LPA: variants seen among roughly 807,000 people sequenced by gnomAD.
LPA encodes the protein lipoprotein(a).
In LPA, 199 loss-of-function variants were observed where a neutral mutation model predicts 197.9. The ratio of observed to expected loss-of-function variants is 1.01; its 90% CI spans 0.90 to 1.13. The LOEUF (loss-of-function observed/expected upper bound fraction) is 1.13. Ranked by LOEUF, LPA falls within the 50% of genes most tolerant of loss-of-function variation. The probability of loss-of-function intolerance (pLI) is 0.00; values close to 1 mark genes in which losing one functional copy is unlikely to be tolerated. For synonymous variants in LPA, 715 were observed against 639.5 expected (o/e 1.12, Z -1.78); for missense variants, 1,853 against 1,785.8 (o/e 1.04, Z -0.68).
chr6:160,532,622 T>G lies in LPA; in HGVS notation c.5870A>C (p.Glu1957Ala), dbSNP rs114441771. Reference sequence around the variant, plus strand: ...ATTCTCAATAACAAGGAGCTGGGCTTCCTTGAGAAGGCCAGTCCCAAAGGT... The same window carrying G: ...ATTCTCAATAACAAGGAGCTGGGCTGCCTTGAGAAGGCCAGTCCCAAAGGT... ...QGTFGTGLLK[E>A]AQLLVIENEV... The change falls in exon 38 of 39, where the codon GAA becomes GCA. Residue 1957 changes from glutamate to alanine, a missense_variant. By Grantham distance (107) the Glu-to-Ala change is moderately radical. Transcript: ENST00000316300. The G allele has an allele frequency of 2.5e-4, 407 of 1,612,150 alleles. No homozygotes were observed. The African/African-American group carries it at 4.9e-3, about 20-fold the overall frequency.
Position 160,647,172 on chromosome 6 carries a change from A to T in LPA, c.210-777T>A, listed in dbSNP as rs150425701. ...ACAGCCACTCCAGAACTGGGGGATG[A>T]GTTGAAAGAACAGTGGGTCCCATGG... is the stretch of plus-strand genomic sequence containing the variant. On this transcript the variant is annotated intron_variant, in intron 2 of 38. Transcript: ENST00000316300. 4.2e-3 allele frequency among the ~76,000 whole-genome samples: 643 copies of T among 152,270 alleles called. 8 individuals carry two copies. The highest frequency in any genetic ancestry group is 7.0e-3 in the Non-Finnish European group (473 of 68,026).
chr6:160,586,646 C>A lies in LPA; in HGVS notation c.3948-16G>T. On this transcript the variant is annotated splice_polypyrimidine_tract_variant and intron_variant, in intron 24 of 38. Coordinates refer to ENST00000316300, the MANE Select transcript of LPA (RefSeq NM_005577.4). ...GGTCAGGCCACTGCAAATTCCAAAA[C>A]AATACAGGTCACCAGAGATTGGAGA... 6.2e-7 allele frequency: 1 copy of A among 1,613,452 alleles called. No individual in the cohort carries two copies. The highest frequency in any genetic ancestry group is 8.5e-7 in the Non-Finnish European group (1 of 1,179,738).
chr6:160,531,935 A>T (rs1190280167), intron 38 of LPA, 45 bp from the exon 39 acceptor site: 1 of 1,601,374 alleles, frequency 6.2e-7, no homozygotes, highest in Non-Finnish European at 8.6e-7. Context: ...TAAGCTGCCA[A>T]CCTTTTAATA....
At chr6:160,572,311 T>A (rs1778577765) in intron 28 of LPA, among the ~76,000 whole-genome samples, 1 of 151,988 alleles carries the variant, frequency 6.6e-6, no homozygotes, top group South Asian at 2.1e-4. Context: ...ACTGGAGCTG[T>A]TCCTATTCAG....
chr6:160,603,781 G>T (rs1779290093), intron 18 of LPA, among the ~76,000 whole-genome samples: 1 of 152,208 alleles, frequency 6.6e-6, no homozygotes. Flanking sequence ...ACTTGGAAAT[G>T]ATTTTAATGC....
At chr6:160,595,281 A>G (rs771173563) in intron 21 of LPA, 73 bp downstream of exon 21, 101 of 1,568,090 alleles carry the variant, frequency 6.4e-5, no homozygotes, top group African/African-American at 1.1e-4. Context: ...GAAGGCTTCT[A>G]TATCACTAAG....
intron 23 of LPA, 134 bp from the exon 24 acceptor site, chr6:160,589,846 T>C (rs1425476706): frequency 2.1e-6 from 2 of 967,642 alleles, no homozygotes; most frequent in Non-Finnish European, 3.3e-6. Flanking sequence ...AGTAGGCAGA[T>C]GGACATGCCA....
At chr6:160,610,487 A>C (rs564924700) in intron 16 of LPA, among the ~76,000 whole-genome samples, 2 of 152,170 alleles carry the variant, frequency 1.3e-5, no homozygotes, top group East Asian at 3.9e-4. Flanking sequence ...GTGCTATGTG[A>C]TCTCTATCTT....
chr6:160,649,886 C>T (rs889823201), intron 2 of LPA, among the ~76,000 whole-genome samples: 3 of 152,118 alleles, frequency 2.0e-5, no homozygotes, highest in Admixed American at 6.6e-5. Context: ...TGTTTCTACC[C>T]GTTGGAATAG....
At chr6:160,641,056 T>C (rs1164429121) in intron 4 of LPA, among the ~76,000 whole-genome samples, 3 of 139,534 alleles carry the variant, frequency 2.2e-5, no homozygotes, top group Admixed American at 6.9e-5. Flanking sequence ...TATTACTATT[T>C]TTTTAAATAA....
chr6:160,588,564 T>C (rs1234736090), intron 24 of LPA, among the ~76,000 whole-genome samples: 1 of 152,208 alleles, frequency 6.6e-6, no homozygotes, highest in Non-Finnish European at 1.5e-5. Flanking sequence ...TTGTTCTTTC[T>C]TTATGAAAAC....
intron 1 of LPA, among the ~76,000 whole-genome samples, chr6:160,662,440 C>T (rs1780242480): frequency 2.0e-5 from 3 of 152,170 alleles, no homozygotes; most frequent in Non-Finnish European, 4.4e-5. Flanking sequence ...CCGGGCATTC[C>T]AGCACACATT....
intron 18 of LPA, among the ~76,000 whole-genome samples, chr6:160,604,765 T>C (rs78347018): frequency 0.096 from 14,653 of 152,210 alleles, 838 homozygotes; most frequent in Non-Finnish European, 0.14. Flanking sequence ...TGTGGAAGGG[T>C]ACTCTAAGAG....
At chr6:160,634,888 AG>A (rs1248196881) in intron 7 of LPA, among the ~76,000 whole-genome samples, 1 of 150,266 alleles carries the variant, frequency 6.7e-6, no homozygotes, top group East Asian at 1.9e-4. Flanking sequence ...TGAGTTGTGA[AG>A]CCCATCACCC....
At chr6:160,655,043 C>CACATACACACCA (rs1201855156) in intron 1 of LPA, among the ~76,000 whole-genome samples, 1 of 152,164 alleles carries the variant, frequency 6.6e-6, no homozygotes, top group African/African-American at 2.4e-5. Flanking sequence ...GCCTTCAGGA[C>CACATACACACCA]CTGCTCAAGC....
intron 29 of LPA, among the ~76,000 whole-genome samples, chr6:160,556,801 C>A (rs1024574396): frequency 6.6e-6 from 1 of 152,084 alleles, no homozygotes; most frequent in Non-Finnish European, 1.5e-5. Flanking sequence ...TCAACACACA[C>A]CAAAGATGCA....
In LPA at chr6:160,647,247, C is replaced by G. The variant is rs117473257; in HGVS notation, c.210-852G>C. On this transcript the variant is annotated intron_variant, in intron 2 of 38. Transcript: ENST00000316300. ...TAAGAGATCTGAAGAGGTCGGACAG[C>G]TATGGAGGAGCAAAAAACAATGAAT... Among the ~76,000 whole-genome samples the G allele has an allele frequency of 1.3e-3, 202 of 152,266 alleles. 6 individuals carry two copies. The East Asian group carries it at 0.035, about 27-fold the overall frequency.
chr6:160,574,258 C>T lies in LPA; in HGVS notation c.4631+2878G>A, dbSNP rs184157510. On this transcript the variant is annotated intron_variant, in intron 28 of 38. Transcript: ENST00000316300. ...CTTACTCCCACCATGCCCCCAACCC[C>T]GCAACAGCTCCAAGTCTGTTTCCAG... Among the ~76,000 whole-genome samples the T allele has an allele frequency of 1.6e-3, 247 of 152,002 alleles. 1 individual carries two copies. The highest frequency in any genetic ancestry group is 3.4e-3 in the Middle Eastern group (1 of 294).
intron 23 of LPA, 44 bp from the exon 24 acceptor site, chr6:160,589,756 C>G (rs781682249): frequency 6.2e-7 from 1 of 1,610,406 alleles, no homozygotes; most frequent in Non-Finnish European, 8.5e-7. Flanking sequence ...ATTTCCAGAA[C>G]ACAGAAGCAT....
Sources: allele counts gnomAD v4.1 joint callset (sites outside exome capture counted in the v4.1 genomes callset), GRCh38; gene constraint gnomAD v4.1.1; transcripts MANE v1.5; gene names NCBI Gene and HGNC (gene_info 2026-07-23, HGNC 2026-07-21).